Variants in ABHD17B observed in about 807,000 individuals in gnomAD.
ABHD17B encodes abhydrolase domain containing 17B, depalmitoylase.
In ABHD17B, 9 loss-of-function variants were observed where a neutral mutation model predicts 26.2. That is an observed-to-expected ratio of 0.34 (90% confidence interval 0.21 to 0.60). The LOEUF is 0.60. Ranked by LOEUF, ABHD17B falls within the 20% of genes least tolerant of loss-of-function variation. The probability of loss-of-function intolerance (pLI) is 0.80; values close to 1 mark genes in which losing one functional copy is unlikely to be tolerated. For missense variants in ABHD17B, 224 were observed against 352.1 expected (o/e 0.64, Z 2.91); for synonymous variants, 127 against 122.3 (o/e 1.04, Z -0.25).
chr9:71,903,911 G>A (rs1827212738), intron 1 of ABHD17B, among the ~76,000 whole-genome samples: 1 of 152,110 alleles, frequency 6.6e-6, no homozygotes, highest in Non-Finnish European at 1.5e-5. Context: ...CTTTTCCCAG[G>A]TTATCATGAA....
chr9:71,890,753 G>T (rs1826757261), intron 1 of ABHD17B, among the ~76,000 whole-genome samples: 2 of 152,042 alleles, frequency 1.3e-5, no homozygotes, highest in South Asian at 4.1e-4. Flanking sequence ...TTCAGAAGAG[G>T]CTTTAATTTT....
At chr9:71,873,559 G>A (rs1003844094) in intron 2 of ABHD17B, among the ~76,000 whole-genome samples, 6 of 151,898 alleles carry the variant, frequency 4.0e-5, no homozygotes, top group Non-Finnish European at 8.8e-5. Flanking sequence ...CACTGTGCCC[G>A]GCTAATTTTC....
intron 1 of ABHD17B, among the ~76,000 whole-genome samples, chr9:71,889,147 T>G (rs879112561): frequency 6.6e-6 from 1 of 151,534 alleles, no homozygotes; most frequent in African/African-American, 2.4e-5. Context: ...AAACTCCATC[T>G]CTACCAAAAA....
At chr9:71,897,736 C>T (rs1270230785) in intron 1 of ABHD17B, among the ~76,000 whole-genome samples, 1 of 152,130 alleles carries the variant, frequency 6.6e-6, no homozygotes, top group African/African-American at 2.4e-5. Context: ...GTCAGTCAAT[C>T]CTTACTAATG....
chr9:71,888,493 T>A (rs1826677333), intron 1 of ABHD17B, among the ~76,000 whole-genome samples: 1 of 152,206 alleles, frequency 6.6e-6, no homozygotes, highest in Non-Finnish European at 1.5e-5. Flanking sequence ...ACTTTTCAGG[T>A]GAGTACCTAC....
At chr9:71,880,073 T>C (rs563948847) in intron 1 of ABHD17B, among the ~76,000 whole-genome samples, 16 of 152,166 alleles carry the variant, frequency 1.1e-4, no homozygotes, top group Non-Finnish European at 2.2e-4. Flanking sequence ...ATATCATGTG[T>C]CAATAAATAA....
chr9:71,866,643 T>C lies in ABHD17B; in HGVS notation c.*144A>G, dbSNP rs977585945. On this transcript the variant is annotated 3_prime_UTR_variant, in exon 4 of 4. Transcript: ENST00000333421. Reference sequence around the variant, plus strand: ...TTAGTTCTGGTAATTAAAACCTTCATTAAGTCTGTTAACAAATCATTACCT... The same window carrying C: ...TTAGTTCTGGTAATTAAAACCTTCACTAAGTCTGTTAACAAATCATTACCT... 2.1e-6 allele frequency: 3 copies of C among 1,446,442 alleles called. No homozygotes were observed. Among genetic ancestry groups the C allele is most frequent in the Admixed American group, 2.8e-5 (1 of 35,946 alleles). 89.6% of individuals were successfully genotyped at this position (1,446,442 alleles called of 1,614,324 possible).
At chr9:71,876,240 T>G (rs528032969) in intron 1 of ABHD17B, among the ~76,000 whole-genome samples, 1 of 152,156 alleles carries the variant, frequency 6.6e-6, no homozygotes, top group Non-Finnish European at 1.5e-5. Context: ...TGGGGTAAAA[T>G]CCTAACTCTA....
At chr9:71,879,974 C>G (rs1227246011) in intron 1 of ABHD17B, among the ~76,000 whole-genome samples, 2 of 152,034 alleles carry the variant, frequency 1.3e-5, no homozygotes, top group South Asian at 2.1e-4. Context: ...CAAGACTGAT[C>G]ACAAGAAAGA....
Position 71,879,497 on chromosome 9 carries a change from A to C in ABHD17B, c.-3-4414T>G, listed in dbSNP as rs74762566. Among the ~76,000 whole-genome samples, 1,376 of 152,340 alleles carry C rather than the reference A, an allele frequency of 9.0e-3. 19 individuals carry two copies. The highest frequency in any genetic ancestry group is 0.031 in the African/African-American group (1,275 of 41,570). ...GACTCTTAATAAGTCAGATATAATC[A>C]TCAGAAAAATGATAGTGCAGGGCAC... On this transcript the variant is annotated intron_variant, in intron 1 of 3. Transcript: ENST00000333421.
intron 1 of ABHD17B, among the ~76,000 whole-genome samples, chr9:71,886,396 T>C (rs1305717160): frequency 7.1e-6 from 1 of 141,508 alleles, no homozygotes; most frequent in African/African-American, 2.7e-5. Context: ...AAGACCAGCC[T>C]GGGCAACATA....
Position 71,866,481 on chromosome 9 carries a change from C to T in ABHD17B, c.*306G>A. ...TAAATTTGTTTCTAGTATGCAAAAG[C>T]ATTTGGCAATACTTTTACAGCATTT... is the stretch of plus-strand genomic sequence containing the variant. On this transcript the variant is annotated 3_prime_UTR_variant, in exon 4 of 4. Coordinates refer to ENST00000333421, the MANE Select transcript of ABHD17B (RefSeq NM_001025780.3). 4 of 1,062,758 alleles carry T rather than the reference C, an allele frequency of 3.8e-6. No homozygotes were observed. The highest frequency in any genetic ancestry group is 4.6e-6 in the Non-Finnish European group (4 of 876,684). The allele number at this position is 1,062,758 out of a possible 1,614,324, so 65.8% of individuals were successfully genotyped here.
Position 71,890,919 on chromosome 9 carries a change from C to T in ABHD17B, c.-3-15836G>A, listed in dbSNP as rs112834435. 3.7e-3 allele frequency among the ~76,000 whole-genome samples: 568 copies of T among 152,248 alleles called. 3 individuals are homozygous for T. The highest frequency in any genetic ancestry group is 0.014 in the Middle Eastern group (4 of 294). On this transcript the variant is annotated intron_variant, in intron 1 of 3. Coordinates refer to ENST00000333421, the MANE Select transcript of ABHD17B (RefSeq NM_001025780.3). ...TCTGGGTTAGTTCACAGCCCAGTTG[C>T]CTGCCTACCTAGTACTTCTTTTCAT...
chr9:71,865,328 C>T lies in ABHD17B; in HGVS notation c.*1459G>A, dbSNP rs1020191388. 1 of 984,372 alleles carries T rather than the reference C, an allele frequency of 1.0e-6. No homozygotes were observed. Among genetic ancestry groups the T allele is most frequent in the African/African-American group, 1.8e-5 (1 of 57,132 alleles). The allele number at this position is 984,372 out of a possible 1,614,324, so 61.0% of individuals were successfully genotyped here. On this transcript the variant is annotated 3_prime_UTR_variant, in exon 4 of 4. Coordinates refer to ENST00000333421, the MANE Select transcript of ABHD17B (RefSeq NM_001025780.3). ...ATATATCCACAGTGTGTATTATTTCCATATTCATTCATTTACAAATTAGAC... is the reference window on the plus strand; with the variant it reads ...ATATATCCACAGTGTGTATTATTTCTATATTCATTCATTTACAAATTAGAC...
chr9:71,879,262 A>G (rs1826370112), intron 1 of ABHD17B, among the ~76,000 whole-genome samples: 1 of 152,244 alleles, frequency 6.6e-6, no homozygotes, highest in South Asian at 2.1e-4. Context: ...TGTTTTTTGT[A>G]CAAGTGAGCA....
intron 1 of ABHD17B, among the ~76,000 whole-genome samples, chr9:71,882,438 C>T (rs1038454475): frequency 5.3e-5 from 8 of 152,150 alleles, no homozygotes; most frequent in Non-Finnish European, 1.0e-4. Flanking sequence ...GCGGGAGAAT[C>T]CCCTGAGTTC....
chr9:71,878,135 G>A (rs1346208571), intron 1 of ABHD17B, among the ~76,000 whole-genome samples: 45 of 148,862 alleles, frequency 3.0e-4, no homozygotes, highest in African/African-American at 1.0e-3. Context: ...ATTTTATTCT[G>A]TAAAAAAAAA....
At chr9:71,889,261 G>A (rs1203428751) in intron 1 of ABHD17B, among the ~76,000 whole-genome samples, 1 of 151,088 alleles carries the variant, frequency 6.6e-6, no homozygotes, top group Non-Finnish European at 1.5e-5. Context: ...AGGCTGCAGT[G>A]AGCCGAGATT....
chr9:71,886,590 GCTCAC>G, intron 1 of ABHD17B, among the ~76,000 whole-genome samples: 2 of 152,128 alleles, frequency 1.3e-5, no homozygotes, highest in Non-Finnish European at 2.9e-5. Flanking sequence ...CGTGATCTCG[GCTCAC>G]TGCACCCTCC....
Sources: gnomAD v4.1 joint callset for allele counts (sites outside exome capture counted in the v4.1 genomes callset) on GRCh38, gnomAD v4.1.1 for gene constraint, MANE v1.5 for transcripts, NCBI Gene and HGNC (gene_info 2026-07-23, HGNC 2026-07-21) for gene names.